Variants in TAX1BP1 observed in about 807,000 individuals in gnomAD.
TAX1BP1 encodes tax1-binding protein 1.
In TAX1BP1, 62 loss-of-function variants were observed where a neutral mutation model predicts 97.7. The observed-to-expected ratio is 0.63, with a 90% confidence interval of 0.52 to 0.78. The LOEUF is 0.78. Ranked by LOEUF, TAX1BP1 falls within the 30% of genes least tolerant of loss-of-function variation. The pLI is 0.00. For missense variants in TAX1BP1, 867 were observed against 916.1 expected, an observed-to-expected ratio of 0.95 and a Z score of 0.69; for synonymous variants, 340 against 304.2, an observed-to-expected ratio of 1.12 and a Z score of -1.23.
At chr7:27,765,804 T>C (rs1173576643) in intron 3 of TAX1BP1, 30 bp from the exon 4 acceptor site, 1 of 1,558,676 alleles carries the variant, frequency 6.4e-7, no homozygotes, top group Admixed American at 1.7e-5. Context: ...ATAGGAAGTT[T>C]AATAATTTTG....
intron 5 of TAX1BP1, among the ~76,000 whole-genome samples, chr7:27,779,251 A>G (rs1041451273): frequency 1.1e-4 from 16 of 152,146 alleles, no homozygotes; most frequent in Admixed American, 9.8e-4. Context: ...CAGCCTCTCA[A>G]GTAACTGGGA....
intron 13 of TAX1BP1, among the ~76,000 whole-genome samples, chr7:27,809,270 T>C (rs1790460854): frequency 6.6e-6 from 1 of 152,240 alleles, no homozygotes; most frequent in African/African-American, 2.4e-5. Context: ...ATAAAGGCTA[T>C]TTTGAGATGG....
At chr7:27,816,684 C>T (rs117995055) in intron 14 of TAX1BP1, among the ~76,000 whole-genome samples, 164 bp downstream of exon 14, 172 of 152,270 alleles carry the variant, frequency 1.1e-3, no homozygotes, top group Non-Finnish European at 1.9e-3. Flanking sequence ...CTGGCTTCAT[C>T]TAGAAGTGAT....
chr7:27,757,626 T>C (rs1227951088), intron 2 of TAX1BP1, among the ~76,000 whole-genome samples: 1 of 152,136 alleles, frequency 6.6e-6, no homozygotes, highest in Non-Finnish European at 1.5e-5. Context: ...TTGTTGGATC[T>C]GCTAGACATT....
chr7:27,746,386 T>C (rs1463754952), intron 1 of TAX1BP1, among the ~76,000 whole-genome samples: 5 of 128,452 alleles, frequency 3.9e-5, no homozygotes, highest in African/African-American at 1.3e-4. Flanking sequence ...TTTTTTTTTT[T>C]CTTTTTTTTT....
chr7:27,823,012 T>A (rs1051737866), intron 15 of TAX1BP1, among the ~76,000 whole-genome samples: 3 of 152,172 alleles, frequency 2.0e-5, no homozygotes, highest in Admixed American at 1.3e-4. Flanking sequence ...TTATTTTTAA[T>A]TTTTGAATAT....
Position 27,829,673 on chromosome 7 carries a change from CCAAAT to C in TAX1BP1, c.*849_*853del, listed in dbSNP as rs1320052286. ...GTGATTAAAAGTACAATACATAAAC[CCAAAT>C]CAAAGTAATGTGTTTCTTCAGTTAT... is the stretch of plus-strand genomic sequence containing the variant. On this transcript the variant is annotated 3_prime_UTR_variant, in exon 17 of 17. Transcript: ENST00000396319. 1 of 151,890 alleles carries C rather than the reference CCAAAT, an allele frequency of 6.6e-6. No homozygotes were observed. The highest frequency in any genetic ancestry group is 6.6e-5 in the Admixed American group (1 of 15,250). 9.4% of individuals were successfully genotyped at this position (151,890 alleles called of 1,614,324 possible). A position where few individuals can be genotyped will look rare whatever the true frequency, so the allele number is the denominator to read the frequency against.
At chr7:27,759,370 G>A (rs1182499877) in intron 3 of TAX1BP1, among the ~76,000 whole-genome samples, 1 of 152,024 alleles carries the variant, frequency 6.6e-6, no homozygotes, top group Non-Finnish European at 1.5e-5. Context: ...TTGTAATGTG[G>A]TATTAACATA....
chr7:27,763,932 T>C (rs1024607647), intron 3 of TAX1BP1, among the ~76,000 whole-genome samples: 5 of 152,254 alleles, frequency 3.3e-5, no homozygotes, highest in Admixed American at 1.3e-4. Flanking sequence ...TTTTAGTAGC[T>C]ATTAGGAGGG....
At chr7:27,785,577 C>T in intron 7 of TAX1BP1, 88 bp downstream of exon 7, 2 of 1,092,708 alleles carry the variant, frequency 1.8e-6, no homozygotes, top group South Asian at 3.0e-5. Context: ...AATTTAGGAG[C>T]AGCTTAGCTG....
At chr7:27,801,199 ATAATT>A (rs987440480) in intron 13 of TAX1BP1, among the ~76,000 whole-genome samples, 241 of 150,986 alleles carry the variant, frequency 1.6e-3, no homozygotes, top group African/African-American at 5.4e-3. Context: ...GGAATAAAGT[ATAATT>A]TAATATATTT....
rs1379789732 is a variant in TAX1BP1 at position 27,828,882 on chromosome 7, C to CA, written c.*53_*54insA. The CA allele has an allele frequency of 4.2e-5, 36 of 864,564 alleles. No individual in the cohort carries two copies. In the African/African-American group the frequency reaches 4.7e-4, roughly 11 times the overall value. 53.6% of individuals were successfully genotyped at this position (864,564 alleles called of 1,614,324 possible). On this transcript the variant is annotated 3_prime_UTR_variant, in exon 17 of 17. Coordinates refer to ENST00000396319, the MANE Select transcript of TAX1BP1 (RefSeq NM_006024.7). ...TTAGCAGTAAAAAAAAAAAAAAAAA[C>CA]CACACCTAAAATAGACCACTGAGGA...
At chr7:27,819,242 T>C (rs1158989381) in intron 15 of TAX1BP1, among the ~76,000 whole-genome samples, 1 of 150,952 alleles carries the variant, frequency 6.6e-6, no homozygotes, top group Non-Finnish European at 1.5e-5. Context: ...GTATTTGTCT[T>C]CTAACAAATT....
At chr7:27,820,057 A>C (rs1047346858) in intron 15 of TAX1BP1, among the ~76,000 whole-genome samples, 6 of 152,140 alleles carry the variant, frequency 3.9e-5, no homozygotes, top group African/African-American at 1.4e-4. Flanking sequence ...CATTTAACAA[A>C]ATCTTTAGGT....
chr7:27,747,703 T>A (rs184508439), intron 1 of TAX1BP1, among the ~76,000 whole-genome samples: 1 of 151,812 alleles, frequency 6.6e-6, no homozygotes, highest in Non-Finnish European at 1.5e-5. Flanking sequence ...TGGAAATGAG[T>A]GAGAGGTAGA....
chr7:27,797,400 C>T (rs1789977197), intron 12 of TAX1BP1, among the ~76,000 whole-genome samples: 1 of 151,996 alleles, frequency 6.6e-6, no homozygotes, highest in South Asian at 2.1e-4. Flanking sequence ...GAAAATGCTT[C>T]TCATTTATAT....
At position 27,758,118 on chromosome 7, in the gene TAX1BP1, G is replaced by T. The variant is rs1562702127; in HGVS notation, c.250G>T (p.Val84Leu). 2 of 1,609,382 alleles carry T rather than the reference G, an allele frequency of 1.2e-6. No homozygotes were observed. Among genetic ancestry groups the T allele is most frequent in the Non-Finnish European group, 1.7e-6 (2 of 1,178,032 alleles). ...TGTGGAAGGATCAACAGTCAATTGT[G>T]TACTAGCATTCCAAGGTAAGGACTG... ...HYVEGSTVNC[V>L]LAFQGYYLPN... is the part of the protein sequence containing the mutation. Residue 84 changes from valine to leucine, a missense_variant, in exon 3 of 17, where the codon GTA (valine) becomes TTA (leucine). Physicochemically the swap from Val to Leu is conservative, Grantham distance 32. Coordinates refer to ENST00000396319, the MANE Select transcript of TAX1BP1 (RefSeq NM_006024.7).
At chr7:27,769,540 T>G in intron 4 of TAX1BP1, 136 bp from the exon 5 acceptor site, 1 of 656,332 alleles carries the variant, frequency 1.5e-6, no homozygotes, top group Non-Finnish European at 2.5e-6. Flanking sequence ...GGCTGATTGA[T>G]ATAAAGTAGG....
At chr7:27,746,290 A>G (rs1265362458) in intron 1 of TAX1BP1, among the ~76,000 whole-genome samples, 2 of 151,600 alleles carry the variant, frequency 1.3e-5, no homozygotes, top group East Asian at 1.9e-4. Flanking sequence ...CTCTTAATTC[A>G]GTTTTGGTAG....
Sources: allele counts gnomAD v4.1 joint callset (sites outside exome capture counted in the v4.1 genomes callset), GRCh38; gene constraint gnomAD v4.1.1; transcripts MANE v1.5; gene names NCBI Gene and HGNC (gene_info 2026-07-23, HGNC 2026-07-21).